The following AFF3 variants were observed in gnomAD, a reference collection of about 807,000 sequenced individuals.
The protein encoded by AFF3 is AF4/FMR2 family member 3.
A neutral mutation model predicts 129.7 loss-of-function variants in AFF3; 32 were observed. The observed-to-expected ratio is 0.25, with a 90% CI of 0.19 to 0.33. The LOEUF is 0.33. AFF3 is among the 10% of genes least tolerant of loss of function. The pLI, the probability that AFF3 is intolerant of heterozygous loss-of-function variation, is 1.00. For missense variants in AFF3, 1,373 were observed against 1,592.0 expected (o/e 0.86, Z 2.34); for synonymous variants, 644 against 635.4 (o/e 1.01, Z -0.20).
chr2:99,695,938 G>GAAAAAAAAAAA (rs10719354), intron 11 of AFF3, among the ~76,000 whole-genome samples: 48 of 57,644 alleles, frequency 8.3e-4, no homozygotes, highest in African/African-American at 1.2e-3. Context: ...CTGGAAAAAT[G>GAAAAAAAAAAA]AAAAAAAAAA....
intron 7 of AFF3, among the ~76,000 whole-genome samples, chr2:99,865,121 C>T (rs1220449581): frequency 2.6e-5 from 4 of 152,210 alleles, no homozygotes; most frequent in African/African-American, 9.6e-5. Context: ...GGAAACCAGA[C>T]AGTTAAGCAA....
At chr2:99,867,859 C>T (rs1336840633) in intron 7 of AFF3, among the ~76,000 whole-genome samples, 1 of 152,186 alleles carries the variant, frequency 6.6e-6, no homozygotes, top group Non-Finnish European at 1.5e-5. Context: ...GCATTCCAGA[C>T]TCTGGGTGAC....
intron 9 of AFF3, among the ~76,000 whole-genome samples, chr2:99,747,599 T>C (rs1681272833): frequency 6.6e-6 from 1 of 152,134 alleles, no homozygotes; most frequent in East Asian, 1.9e-4. Context: ...AACCATAAGA[T>C]CATGTATCCC....
chr2:100,055,882 T>C (rs1341108757), intron 4 of AFF3, among the ~76,000 whole-genome samples: 1 of 152,048 alleles, frequency 6.6e-6, no homozygotes, highest in Non-Finnish European at 1.5e-5. Context: ...AGTTTTAAAA[T>C]AGTTGTGGGC....
intron 7 of AFF3, among the ~76,000 whole-genome samples, chr2:99,960,823 C>G (rs1282171934): frequency 6.6e-6 from 1 of 152,134 alleles, no homozygotes; most frequent in Non-Finnish European, 1.5e-5. Flanking sequence ...GGAAGGCGTT[C>G]CAGGACTCCT....
At chr2:99,767,957 A>C (rs1483017828) in intron 8 of AFF3, among the ~76,000 whole-genome samples, 2 of 152,128 alleles carry the variant, frequency 1.3e-5, no homozygotes, top group African/African-American at 2.4e-5. Flanking sequence ...TGTCTCTGGG[A>C]ATCCCCAGCC....
chr2:99,847,326 C>A (rs1332872267), intron 7 of AFF3, among the ~76,000 whole-genome samples: 27 of 151,860 alleles, frequency 1.8e-4, no homozygotes. Flanking sequence ...CAGGCACCTG[C>A]CACCACGCCC....
At chr2:100,037,284 A>G (rs1182431545) in intron 4 of AFF3, among the ~76,000 whole-genome samples, 1 of 150,856 alleles carries the variant, frequency 6.6e-6, no homozygotes, top group Non-Finnish European at 1.5e-5. Context: ...AGATGTTTAC[A>G]ATACTAGTGA....
chr2:99,778,893 TGC>T (rs869127120), intron 8 of AFF3, among the ~76,000 whole-genome samples: 6 of 35,852 alleles, frequency 1.7e-4, no homozygotes, highest in South Asian at 1.6e-3. Context: ...TGTGTGTGTG[TGC>T]GCGTGTGTGT....
At chr2:100,135,231 C>CGTGAGAT (rs1280608334) in intron 1 of AFF3, among the ~76,000 whole-genome samples, 10 of 152,202 alleles carry the variant, frequency 6.6e-5, no homozygotes, top group Admixed American at 2.0e-4. Flanking sequence ...CCAAAGATGG[C>CGTGAGAT]CACAGCAGTG....
chr2:100,046,947 T>C (rs889483618), intron 4 of AFF3, among the ~76,000 whole-genome samples: 1 of 151,682 alleles, frequency 6.6e-6, no homozygotes, highest in African/African-American at 2.4e-5. Flanking sequence ...AAAACAAATC[T>C]ATGACTCCTC....
At chr2:99,768,629 T>G (rs1683211615) in intron 8 of AFF3, among the ~76,000 whole-genome samples, 1 of 152,258 alleles carries the variant, frequency 6.6e-6, no homozygotes, top group South Asian at 2.1e-4. Context: ...CATTAATGTC[T>G]TTTTCTTTCA....
At chr2:99,786,196 A>G (rs1056277516) in intron 8 of AFF3, among the ~76,000 whole-genome samples, 7 of 152,100 alleles carry the variant, frequency 4.6e-5, no homozygotes, top group Non-Finnish European at 1.0e-4. Context: ...TCTGACTGCC[A>G]TTTCTTCTCT....
intron 7 of AFF3, among the ~76,000 whole-genome samples, chr2:99,929,584 G>C (rs760508796): frequency 3.3e-5 from 5 of 151,992 alleles, no homozygotes; most frequent in Admixed American, 6.6e-5. Context: ...TTAATAATCT[G>C]AATAAACAAC....
chr2:100,071,439 G>C (rs1688173242), intron 4 of AFF3, among the ~76,000 whole-genome samples: 1 of 152,140 alleles, frequency 6.6e-6, no homozygotes, highest in Non-Finnish European at 1.5e-5. Flanking sequence ...CTGTGAGTAA[G>C]ATGACTCCAT....
At chr2:99,655,831 A>T (rs1372612531) in intron 12 of AFF3, among the ~76,000 whole-genome samples, 2 of 152,208 alleles carry the variant, frequency 1.3e-5, no homozygotes, top group Non-Finnish European at 2.9e-5. Flanking sequence ...AGGAAGCGAC[A>T]AAGTTTGAGG....
intron 1 of AFF3, among the ~76,000 whole-genome samples, chr2:100,132,668 C>T (rs991644335): frequency 5.9e-5 from 9 of 152,150 alleles, no homozygotes; most frequent in African/African-American, 1.9e-4. Context: ...TCTCGCTGTC[C>T]ACTATGGTAA....
chr2:99,927,437 C>A (rs529682757), intron 7 of AFF3, among the ~76,000 whole-genome samples: 1 of 152,118 alleles, frequency 6.6e-6, no homozygotes, highest in Non-Finnish European at 1.5e-5. Flanking sequence ...GGAACATGAA[C>A]GGAGCTGGAG....
chr2:99,663,602 T>C (rs1208648319), intron 12 of AFF3, among the ~76,000 whole-genome samples: 2 of 152,170 alleles, frequency 1.3e-5, no homozygotes, highest in Non-Finnish European at 2.9e-5. Context: ...AATGGGGAAA[T>C]TTCCCTCTAC....
Sources: allele counts gnomAD v4.1 joint callset (sites outside exome capture counted in the v4.1 genomes callset), GRCh38; gene constraint gnomAD v4.1.1; transcripts MANE v1.5; gene names NCBI Gene and HGNC (gene_info 2026-07-23, HGNC 2026-07-21).